The following LRP1B variants were observed in gnomAD, a reference collection of about 807,000 sequenced individuals.
LRP1B encodes the protein low-density lipoprotein receptor-related protein 1B.
Under a neutral mutation model 556.6 loss-of-function variants are expected in LRP1B, and 217 were observed. That is an observed-to-expected ratio of 0.39 (90% CI 0.35 to 0.44). The LOEUF (loss-of-function observed/expected upper bound fraction) is 0.44. Among genes scored for constraint, LRP1B ranks in the 20% least tolerant of loss-of-function variants. The pLI is 1.00. For missense variants in LRP1B, 5,053 were observed against 5,620.8 expected (o/e 0.90, Z 3.23); for synonymous variants, 2,047 against 1,865.8 (o/e 1.10, Z -2.50).
intron 3 of LRP1B, among the ~76,000 whole-genome samples, chr2:141,392,838 G>A (rs1690105067): frequency 6.6e-6 from 1 of 152,146 alleles, no homozygotes; most frequent in Non-Finnish European, 1.5e-5. Context: ...CAGCACTTAG[G>A]AATTGGGCTG....
At chr2:141,439,318 T>C (rs977786768) in intron 3 of LRP1B, among the ~76,000 whole-genome samples, 4 of 152,076 alleles carry the variant, frequency 2.6e-5, no homozygotes, top group Non-Finnish European at 4.4e-5. Flanking sequence ...TCACGGAAGG[T>C]AACAAGCAAG....
At chr2:142,048,654 T>C (rs1259816618) in intron 1 of LRP1B, among the ~76,000 whole-genome samples, 1 of 152,194 alleles carries the variant, frequency 6.6e-6, no homozygotes, top group African/African-American at 2.4e-5. Context: ...TTGTAGTGTA[T>C]GTAAAAATTG....
chr2:140,685,018 T>A (rs1395347219), intron 41 of LRP1B, among the ~76,000 whole-genome samples: 5 of 152,196 alleles, frequency 3.3e-5, no homozygotes, highest in Non-Finnish European at 5.9e-5. Flanking sequence ...CATGTAATTT[T>A]AAAAAATCTC....
At chr2:142,012,317 T>C (rs1444997478) in intron 1 of LRP1B, among the ~76,000 whole-genome samples, 2 of 152,126 alleles carry the variant, frequency 1.3e-5, no homozygotes, top group African/African-American at 4.8e-5. Flanking sequence ...ATCAAATTAA[T>C]TTTTAGTTTA....
intron 41 of LRP1B, among the ~76,000 whole-genome samples, chr2:140,645,692 C>T (rs1038809760): frequency 6.6e-6 from 1 of 151,694 alleles, no homozygotes; most frequent in African/African-American, 2.4e-5. Flanking sequence ...GGCACTGCCA[C>T]GACGCCCGGC....
intron 20 of LRP1B, among the ~76,000 whole-genome samples, chr2:140,943,042 C>T (rs1462669379): frequency 6.6e-6 from 1 of 152,070 alleles, no homozygotes; most frequent in East Asian, 1.9e-4. Flanking sequence ...AACAGACCAT[C>T]TCCCATGTAA....
chr2:140,254,652 C>T (rs1286561139), intron 86 of LRP1B, among the ~76,000 whole-genome samples: 1 of 152,098 alleles, frequency 6.6e-6, no homozygotes, highest in Admixed American at 6.6e-5. Flanking sequence ...CTTCTGGGTT[C>T]AAGCAATTCT....
At chr2:140,510,168 A>T in intron 51 of LRP1B, 112 bp from the exon 52 acceptor site, 1 of 1,150,138 alleles carries the variant, frequency 8.7e-7, no homozygotes, top group Non-Finnish European at 1.2e-6. Flanking sequence ...GCTTATAAGG[A>T]GGCGATTGTA....
intron 1 of LRP1B, among the ~76,000 whole-genome samples, chr2:142,063,849 A>G (rs1368204561): frequency 2.6e-5 from 4 of 151,666 alleles, no homozygotes; most frequent in Non-Finnish European, 5.9e-5. Context: ...ATAAAACACA[A>G]GATGTAAGGT....
chr2:140,890,530 ATT>A (rs1472795308), intron 23 of LRP1B, among the ~76,000 whole-genome samples: 1 of 152,244 alleles, frequency 6.6e-6, no homozygotes, highest in South Asian at 2.1e-4. Context: ...TTGAGAAAAC[ATT>A]TGTTTGATAA....
At chr2:140,349,310 T>C (rs1187704932) in intron 77 of LRP1B, among the ~76,000 whole-genome samples, 3 of 152,116 alleles carry the variant, frequency 2.0e-5, no homozygotes, top group Admixed American at 6.6e-5. Context: ...AATTGTAAAA[T>C]GCAGATATGT....
chr2:140,982,351 A>C (rs1696798011), intron 17 of LRP1B, 75 bp from the exon 18 acceptor site: 1 of 886,144 alleles, frequency 1.1e-6, no homozygotes, highest in Admixed American at 1.8e-5. Flanking sequence ...TAAGCATGCA[A>C]TATTCCTTTC....
At chr2:140,755,417 A>T (rs960688763) in intron 35 of LRP1B, among the ~76,000 whole-genome samples, 9 of 152,038 alleles carry the variant, frequency 5.9e-5, no homozygotes, top group African/African-American at 2.2e-4. Context: ...AATCTTCAAC[A>T]AAATACTAGT....
intron 84 of LRP1B, among the ~76,000 whole-genome samples, chr2:140,277,655 G>A (rs1052455794): frequency 2.0e-5 from 3 of 150,964 alleles, no homozygotes; most frequent in African/African-American, 7.3e-5. Context: ...AAAGATGAGC[G>A]CCTGTACATA....
chr2:141,294,153 A>C (rs1358152427), intron 3 of LRP1B, among the ~76,000 whole-genome samples: 1 of 152,110 alleles, frequency 6.6e-6, no homozygotes, highest in Non-Finnish European at 1.5e-5. Flanking sequence ...GAGGTGACAA[A>C]AATATCTTTT....
chr2:140,325,316 T>C (rs987983996), intron 80 of LRP1B, among the ~76,000 whole-genome samples: 2 of 151,992 alleles, frequency 1.3e-5, no homozygotes, highest in East Asian at 1.9e-4. Flanking sequence ...ATGGTCATTT[T>C]TGACACATCA....
At chr2:140,775,136 T>A (rs142612443) in intron 33 of LRP1B, among the ~76,000 whole-genome samples, 204 of 152,172 alleles carry the variant, frequency 1.3e-3, no homozygotes, top group Middle Eastern at 6.8e-3. Context: ...CAAACCAGCG[T>A]GACCCAATCC....
intron 18 of LRP1B, among the ~76,000 whole-genome samples, chr2:140,954,597 T>C (rs1695819573): frequency 6.6e-6 from 1 of 151,986 alleles, no homozygotes; most frequent in South Asian, 2.1e-4. Flanking sequence ...TGTTAGATTT[T>C]AACACTAAAA....
intron 43 of LRP1B, among the ~76,000 whole-genome samples, chr2:140,577,356 A>C (rs1574098303): frequency 6.6e-6 from 1 of 151,532 alleles, no homozygotes; most frequent in Non-Finnish European, 1.5e-5. Context: ...GGTGGTGCGC[A>C]CCTGTAGTCC....
Sources: allele counts gnomAD v4.1 joint callset (sites outside exome capture counted in the v4.1 genomes callset), GRCh38; gene constraint gnomAD v4.1.1; transcripts MANE v1.5; gene names NCBI Gene and HGNC (gene_info 2026-07-23, HGNC 2026-07-21).